The following CRMP1 variants were observed in gnomAD, a reference collection of about 807,000 sequenced individuals.
CRMP1 encodes dihydropyrimidinase-related protein 1.
CRMP1 carries 19 observed loss-of-function variants against 68.3 expected under a neutral mutation model. That is an observed-to-expected ratio of 0.28 (90% CI 0.19 to 0.41). The LOEUF is 0.41. CRMP1 is among the 10% of genes least tolerant of loss of function. CRMP1 has a pLI of 1.00. For synonymous variants in CRMP1, 439 were observed against 399.6 expected (o/e 1.10, Z -1.18); for missense variants, 791 against 967.4 (o/e 0.82, Z 2.42).
At chr4:5,839,179 C>T (rs1044733387) in intron 9 of CRMP1, among the ~76,000 whole-genome samples, 42 of 152,332 alleles carry the variant, frequency 2.8e-4, no homozygotes, top group African/African-American at 9.4e-4. Flanking sequence ...AGAGAGATGT[C>T]ACGGGTGACG....
chr4:5,886,331 C>T (rs917842672), intron 1 of CRMP1, among the ~76,000 whole-genome samples: 8 of 152,244 alleles, frequency 5.3e-5, no homozygotes, highest in African/African-American at 1.7e-4. Flanking sequence ...GTCGGCAGAT[C>T]TGAAGCCCTT....
At position 5,838,206 on chromosome 4, in the gene CRMP1, G is replaced by A. The variant is rs764365311; in HGVS notation, c.1311-1300C>T. Reference sequence around the variant, plus strand: ...GGGTTCCCATGAGTGTAAAGGCCCCGAGGCAGGGTCCTGCCTGGGGTTCAG... The same window carrying A: ...GGGTTCCCATGAGTGTAAAGGCCCCAAGGCAGGGTCCTGCCTGGGGTTCAG... On this transcript the variant is annotated intron_variant, in intron 9 of 13. Coordinates refer to ENST00000324989, the MANE Select transcript of CRMP1 (RefSeq NM_001014809.3). The surrounding 1 kb of genome is among the most constrained non-coding windows in gnomAD (Gnocchi z 4.9). 5.9e-5 allele frequency among the ~76,000 whole-genome samples: 9 copies of A among 152,276 alleles called. No individual in the cohort carries two copies. The highest frequency in any genetic ancestry group is 9.6e-5 in the African/African-American group (4 of 41,566).
chr4:5,837,871 C>A (rs1720834402), intron 9 of CRMP1, among the ~76,000 whole-genome samples: 1 of 151,866 alleles, frequency 6.6e-6, no homozygotes, highest in Admixed American at 6.6e-5. Context: ...TTCCTATGTG[C>A]CCGGTACAAT....
chr4:5,887,479 C>T, intron 1 of CRMP1: 2 of 985,506 alleles, frequency 2.0e-6, no homozygotes, highest in Non-Finnish European at 2.4e-6. Context: ...CTCCTGACCG[C>T]TGCGCCCTCA....
rs3915840 is a variant in CRMP1 at position 5,822,055 on chromosome 4, C to A, written c.1970-204G>T. On this transcript the variant is annotated intron_variant, in intron 13 of 13. Transcript: ENST00000324989. ...TGCCCCTCAGTCCCTGGGCTCCCCC[C>A]ACCTTCAGCCCTGACCACCTTGTGG... 5.3e-3 allele frequency among the ~76,000 whole-genome samples: 796 copies of A among 149,426 alleles called. 8 individuals are homozygous for A. The highest frequency in any genetic ancestry group is 0.019 in the African/African-American group (769 of 39,784).
chr4:5,831,012 G>A (rs1293779451), intron 11 of CRMP1, among the ~76,000 whole-genome samples: 1 of 152,152 alleles, frequency 6.6e-6, no homozygotes, highest in Non-Finnish European at 1.5e-5. Context: ...GCAGTGGCAC[G>A]ATCATGGCTC....
At chr4:5,885,692 G>A (rs967274736) in intron 1 of CRMP1, among the ~76,000 whole-genome samples, 3 of 152,104 alleles carry the variant, frequency 2.0e-5, no homozygotes, top group Admixed American at 6.6e-5. Flanking sequence ...GGTTTCTTCC[G>A]CCCCGCCGTA....
Position 5,892,812 on chromosome 4 carries a change from T to C in CRMP1, c.158A>G (p.Tyr53Cys). The change falls in exon 1 of 14, where the codon TAC becomes TGC. Residue 53 changes from tyrosine to cysteine, a missense_variant. Physicochemically the swap from Tyr to Cys is radical, Grantham distance 194 (BLOSUM62 -2). This residue lies in a region of CRMP1 where 193 missense variants were observed against 186.3 expected (regional missense o/e 1.04). Coordinates refer to ENST00000324989, the MANE Select transcript of CRMP1 (RefSeq NM_001014809.3). This position sits in a 1 kb window ranked among gnomAD's most constrained non-coding sequence, Gnocchi z 8.6. ...CGCCGAGCCGCGGCGGCCCACACTG[T>C]AGGCGTCGAAGTCGATGGTCTTGTT... ...YENKTIDFDA[Y>C]SVGRRGSART... The C allele has an allele frequency of 7.2e-7, 1 of 1,396,310 alleles. No individual in the cohort carries two copies. The highest frequency in any genetic ancestry group is 9.4e-7 in the Non-Finnish European group (1 of 1,062,742). 86.5% of individuals were successfully genotyped at this position (1,396,310 alleles called of 1,614,324 possible).
chr4:5,835,520 G>A lies in CRMP1; in HGVS notation c.1623+395C>T, dbSNP rs112762503. Among the ~76,000 whole-genome samples, 621 of 152,308 alleles carry A rather than the reference G, an allele frequency of 4.1e-3. 3 individuals are homozygous for A. The highest frequency in any genetic ancestry group is 0.014 in the African/African-American group (588 of 41,562). ...TAGCAGCCAGCCACAAAACCGAGTG[G>A]GAGGTTTCCGACATACCAAATCAAA... On this transcript the variant is annotated intron_variant, in intron 11 of 13. Coordinates refer to ENST00000324989, the MANE Select transcript of CRMP1 (RefSeq NM_001014809.3).
chr4:5,829,291 A>G (rs1008454206), intron 11 of CRMP1, among the ~76,000 whole-genome samples: 1 of 152,120 alleles, frequency 6.6e-6, no homozygotes, highest in African/African-American at 2.4e-5. Flanking sequence ...CGGGAGGCTG[A>G]GGTATGAGAA....
At position 5,892,566 on chromosome 4, in the gene CRMP1, G is replaced by A; in HGVS notation, c.381+23C>T. On this transcript the variant is annotated intron_variant, in intron 1 of 13. Coordinates refer to ENST00000324989, the MANE Select transcript of CRMP1 (RefSeq NM_001014809.3). The surrounding 1 kb of genome is among the most constrained non-coding windows in gnomAD (Gnocchi z 8.6). ...TCCCGGGGCCCGCCCCCCTCGTCTG[G>A]CCCGCGCGCGCCCCGAGGGTACCTG... 1 of 1,173,400 alleles carries A rather than the reference G, an allele frequency of 8.5e-7. No homozygotes were observed. The highest frequency in any genetic ancestry group is 1.1e-6 in the Non-Finnish European group (1 of 950,102). The allele number at this position is 1,173,400 out of a possible 1,614,324, so 72.7% of individuals were successfully genotyped here.
Position 5,883,400 on chromosome 4 carries a change from A to G in CRMP1, c.381+9189T>C, listed in dbSNP as rs1715351293. 6.6e-6 allele frequency among the ~76,000 whole-genome samples: 1 copy of G among 151,992 alleles called. No homozygotes were observed. The highest frequency in any genetic ancestry group is 2.4e-5 in the African/African-American group (1 of 41,386). On this transcript the variant is annotated intron_variant, in intron 1 of 13. Transcript: ENST00000324989. This position sits in a 1 kb window ranked among gnomAD's most constrained non-coding sequence, Gnocchi z 4.5. ...CTGCAACCTCTGCCTCCCAGGTTCAAGCAATTTCTCCTGCCTCAGCCTCCC... is the reference window on the plus strand; with the variant it reads ...CTGCAACCTCTGCCTCCCAGGTTCAGGCAATTTCTCCTGCCTCAGCCTCCC...
chr4:5,822,136 A>C (rs1287834956), intron 13 of CRMP1, among the ~76,000 whole-genome samples: 2 of 152,146 alleles, frequency 1.3e-5, no homozygotes, highest in Admixed American at 1.3e-4. Context: ...GTGATCAAAC[A>C]CTTACTGAGT....
chr4:5,837,668 T>A (rs1229993343), intron 9 of CRMP1, among the ~76,000 whole-genome samples: 1 of 108,696 alleles, frequency 9.2e-6, no homozygotes, highest in Admixed American at 8.2e-5. Context: ...TAAAATAAAA[T>A]AAAATAAAAT....
At position 5,855,510 on chromosome 4, in the gene CRMP1, T is replaced by C. The variant is rs1280459423; in HGVS notation, c.820+633A>G. Among the ~76,000 whole-genome samples, 1 of 152,170 alleles carries C rather than the reference T, an allele frequency of 6.6e-6. No homozygotes were observed. The highest frequency in any genetic ancestry group is 1.5e-5 in the Non-Finnish European group (1 of 68,028). On this transcript the variant is annotated intron_variant, in intron 4 of 13. Coordinates refer to ENST00000324989, the MANE Select transcript of CRMP1 (RefSeq NM_001014809.3). This position sits in a 1 kb window ranked among gnomAD's most constrained non-coding sequence, Gnocchi z 4.9. ...ACACACACCATAAAGGTCTACACTG[T>C]GCTGGTGTGAACCCAAACAGAGGGG...
Position 5,831,875 on chromosome 4 carries a change from T to C in CRMP1, c.1624-3207A>G, listed in dbSNP as rs779901473. Among the ~76,000 whole-genome samples, 5 of 152,198 alleles carry C rather than the reference T, an allele frequency of 3.3e-5. 1 individual carries two copies. In the South Asian group the frequency reaches 8.3e-4, roughly 25 times the overall value. On this transcript the variant is annotated intron_variant, in intron 11 of 13. Transcript: ENST00000324989. Reference sequence around the variant, plus strand: ...AACCTCTTGCCATCCATGAGCCCCATTTCCCTGGTCCCCTCCAGGGAGAAC... The same window carrying C: ...AACCTCTTGCCATCCATGAGCCCCACTTCCCTGGTCCCCTCCAGGGAGAAC...
chr4:5,847,102 C>G (rs1312158776), intron 6 of CRMP1, among the ~76,000 whole-genome samples: 1 of 152,152 alleles, frequency 6.6e-6, no homozygotes, highest in Non-Finnish European at 1.5e-5. Flanking sequence ...CAACATTTCC[C>G]AGCCAGATTT....
chr4:5,881,843 G>A lies in CRMP1; in HGVS notation c.381+10746C>T, dbSNP rs1715241977. 6.6e-6 allele frequency among the ~76,000 whole-genome samples: 1 copy of A among 152,292 alleles called. No individual in the cohort carries two copies. The highest frequency in any genetic ancestry group is 1.9e-4 in the East Asian group (1 of 5,182). On this transcript the variant is annotated intron_variant, in intron 1 of 13. Transcript: ENST00000324989. This position sits in a 1 kb window ranked among gnomAD's most constrained non-coding sequence, Gnocchi z 4.6. ...CACAGGCTGAGAACCACTGGTTGTT[G>A]AAATAGCTTGCATTTTTCTGTCTTC...
At chr4:5,874,679 A>C (rs561156101) in intron 1 of CRMP1, among the ~76,000 whole-genome samples, 1 of 152,256 alleles carries the variant, frequency 6.6e-6, no homozygotes, top group Middle Eastern at 3.4e-3. Flanking sequence ...ACGTTTGAAA[A>C]GAGAGAGGGA....
Sources: allele counts gnomAD v4.1 joint callset (sites outside exome capture counted in the v4.1 genomes callset), GRCh38; gene constraint gnomAD v4.1.1; regional missense constraint gnomAD v4.1.1; non-coding constraint Gnocchi (gnomAD v3.1); transcripts MANE v1.5; gene names NCBI Gene and HGNC (gene_info 2026-07-23, HGNC 2026-07-21).